Variants in FAM98A observed in about 807,000 individuals in gnomAD.
FAM98A encodes the protein protein FAM98A.
A neutral mutation model predicts 62.9 loss-of-function variants in FAM98A; 25 were observed. That is an observed-to-expected ratio of 0.40 (90% CI 0.29 to 0.56). The LOEUF (loss-of-function observed/expected upper bound fraction) is 0.56. Among genes scored for constraint, FAM98A ranks in the 20% least tolerant of loss-of-function variants. FAM98A has a pLI of 0.51. For synonymous variants in FAM98A, 252 were observed against 228.6 expected (o/e 1.10, Z -0.92); for missense variants, 653 against 640.7 (o/e 1.02, Z -0.21).
intron 2 of FAM98A, among the ~76,000 whole-genome samples, chr2:33,594,757 G>A (rs1297468188): frequency 2.0e-5 from 3 of 151,018 alleles, no homozygotes; most frequent in South Asian, 4.2e-4. Context: ...TCTTCAAAAC[G>A]TGATTATGTG....
At chr2:33,591,719 A>C (rs1677674959) in intron 3 of FAM98A, among the ~76,000 whole-genome samples, 1 of 152,184 alleles carries the variant, frequency 6.6e-6, no homozygotes, top group African/African-American at 2.4e-5. Flanking sequence ...AATCTCCATT[A>C]TTTCCATACT....
chr2:33,599,298 C>T lies in FAM98A; in HGVS notation c.-77G>A. The T allele has an allele frequency of 8.1e-7, 1 of 1,240,876 alleles. No homozygotes were observed. Among genetic ancestry groups the T allele is most frequent in the East Asian group, 2.3e-5 (1 of 43,158 alleles). The allele number at this position is 1,240,876 out of a possible 1,614,324, so 76.9% of individuals were successfully genotyped here. On this transcript the variant is annotated 5_prime_UTR_variant, in exon 1 of 8. Transcript: ENST00000238823. ...AACGCGTACACTCGCGCATGCGCGACTTCCCCGGAACTTCCAAATCCACAG... is the reference window on the plus strand; with the variant it reads ...AACGCGTACACTCGCGCATGCGCGATTTCCCCGGAACTTCCAAATCCACAG...
In FAM98A at chr2:33,586,544, A is replaced by G; in HGVS notation, c.720+18T>C. ...ATGTCTATAAATAGTCTGCTCTTTT[A>G]AATTATTTAATGTGTACCTTAGCTC... On this transcript the variant is annotated intron_variant, in intron 6 of 7. Coordinates refer to ENST00000238823, the MANE Select transcript of FAM98A (RefSeq NM_015475.5). 6.7e-7 allele frequency: 1 copy of G among 1,487,022 alleles called. No individual in the cohort carries two copies. Among genetic ancestry groups the G allele is most frequent in the Middle Eastern group, 1.7e-4 (1 of 5,816 alleles). The allele number at this position is 1,487,022 out of a possible 1,614,324, so 92.1% of individuals were successfully genotyped here. A position where few individuals can be genotyped will look rare whatever the true frequency, so the allele number is the denominator to read the frequency against.
intron 2 of FAM98A, among the ~76,000 whole-genome samples, chr2:33,593,413 A>G (rs1677719807): frequency 6.6e-6 from 1 of 152,142 alleles, no homozygotes; most frequent in African/African-American, 2.4e-5. Flanking sequence ...AAAAACAAAC[A>G]AACAAAAGGA....
In FAM98A at chr2:33,585,438, T is replaced by G. The variant is rs774113667; in HGVS notation, c.895A>C (p.Met299Leu). Residue 299 changes from methionine to leucine, a missense_variant, in exon 8 of 8, where the codon ATG becomes CTG. Met to Leu is a conservative substitution (Grantham distance 15). Coordinates refer to ENST00000238823, the MANE Select transcript of FAM98A (RefSeq NM_015475.5). ...CCACCTCTGTCAGGCACCCTGCCCA[T>G]CAACACCTACAGAATAGGAAAGATA... ...KTACAINKVL[M>L]GRVPDRGGRP... The G allele has an allele frequency of 2.5e-5, 41 of 1,614,002 alleles. No homozygotes were observed. The highest frequency in any genetic ancestry group is 3.1e-5 in the Non-Finnish European group (37 of 1,180,000).
Position 33,584,775 on chromosome 2 carries a change from C to T in FAM98A, c.*1G>A, listed in dbSNP as rs1677495073. On this transcript the variant is annotated 3_prime_UTR_variant, in exon 8 of 8. Coordinates refer to ENST00000238823, the MANE Select transcript of FAM98A (RefSeq NM_015475.5). ...CTAGCAAAATGTAAGGTTCGGTAGC[C>T]TCAACTAGTGTAATGTCTTCCCTGT... 6.3e-7 allele frequency: 1 copy of T among 1,586,744 alleles called. No individual in the cohort carries two copies. The highest frequency in any genetic ancestry group is 1.1e-5 in the South Asian group (1 of 89,148).
intron 6 of FAM98A, among the ~76,000 whole-genome samples, chr2:33,586,004 AT>A (rs1199048512): frequency 6.6e-6 from 1 of 152,232 alleles, no homozygotes; most frequent in East Asian, 1.9e-4. Context: ...TTGGTCTCAG[AT>A]CAAACATACT....
chr2:33,584,868 G>A lies in FAM98A; in HGVS notation c.1465C>T (p.His489Tyr). 1 of 1,614,106 alleles carries A rather than the reference G, an allele frequency of 6.2e-7. No homozygotes were observed. Residue 489 changes from histidine (H) to tyrosine (Y), a missense_variant, in exon 8 of 8, where the codon CAC becomes TAC. Coordinates refer to ENST00000238823, the MANE Select transcript of FAM98A (RefSeq NM_015475.5). ...TGCTGTTCAAATTGACCCCCTTGGT[G>A]ATAATTCTGGCTCCCTCTTCCTCCC... ...GWGGRGSQNY[H>Y]QGGQFEQHFQ...
chr2:33,590,070 G>A (rs539634383), intron 3 of FAM98A, among the ~76,000 whole-genome samples: 1 of 152,200 alleles, frequency 6.6e-6, no homozygotes, highest in Admixed American at 6.5e-5. Flanking sequence ...ACTGGGAAAG[G>A]CACTGAAGAT....
intron 1 of FAM98A, 70 bp from the exon 2 acceptor site, chr2:33,595,707 CTATG>C (rs1677797007): frequency 1.8e-6 from 2 of 1,094,100 alleles, no homozygotes; most frequent in Non-Finnish European, 1.3e-6. Flanking sequence ...TAAAACATAT[CTATG>C]TCTTATTTAT....
At chr2:33,591,072 T>C (rs1677661476) in intron 3 of FAM98A, among the ~76,000 whole-genome samples, 1 of 152,114 alleles carries the variant, frequency 6.6e-6, no homozygotes. Flanking sequence ...GCAATATCAG[T>C]ATCTAAAGCA....
rs1384399644 is a variant in FAM98A at position 33,585,154 on chromosome 2, G to C, written c.1179C>G (p.Gly393=). 6.2e-7 allele frequency: 1 copy of C among 1,614,086 alleles called. No homozygotes were observed. Among genetic ancestry groups the C allele is most frequent in the Admixed American group, 1.7e-5 (1 of 60,016 alleles). ...WTDGGSGGGG[G]YQDGGYRDSG... ...AATCTCGATAACCACCATCTTGGTA[G>C]CCACCTCCTCCACCACTCCCTCCAT... Residue 393 remains glycine, a synonymous_variant, in exon 8 of 8, where the codon GGC becomes GGG. Transcript: ENST00000238823.
At chr2:33,586,927 A>G (rs1345276644) in intron 5 of FAM98A, 1 of 530,582 alleles carries the variant, frequency 1.9e-6, no homozygotes, top group Non-Finnish European at 3.3e-6. Flanking sequence ...TACTGTGTGA[A>G]GCTCAGCCCA....
intron 4 of FAM98A, 45 bp downstream of exon 4, chr2:33,588,290 G>A (rs775558037): frequency 1.4e-6 from 2 of 1,403,046 alleles, no homozygotes; most frequent in Non-Finnish European, 2.0e-6. Flanking sequence ...AACAAATGTA[G>A]GACTATGCCT....
rs751285617 is a variant in FAM98A, at chr2:33,586,689, A to T, written c.604-11T>A. 56 of 1,549,254 alleles carry T rather than the reference A, an allele frequency of 3.6e-5. No homozygotes were observed. The highest frequency in any genetic ancestry group is 4.7e-5 in the Non-Finnish European group (53 of 1,121,318). On this transcript the variant is annotated splice_polypyrimidine_tract_variant and intron_variant, in intron 5 of 7. Transcript: ENST00000238823. ...TGCTTCTATCTTTTCCTGAAGCAAAATTAAAAAGACTAGTTAGAGTTTAAA... is the reference window on the plus strand; with the variant it reads ...TGCTTCTATCTTTTCCTGAAGCAAATTTAAAAAGACTAGTTAGAGTTTAAA...
At chr2:33,595,810 T>C (rs1479419610) in intron 1 of FAM98A, among the ~76,000 whole-genome samples, 173 bp from the exon 2 acceptor site, 3 of 152,158 alleles carry the variant, frequency 2.0e-5, no homozygotes, top group South Asian at 2.1e-4. Flanking sequence ...TACTGAACCA[T>C]TACAAAAAGC....
chr2:33,586,503 T>C (rs1216620867), intron 6 of FAM98A, 59 bp downstream of exon 6: 4 of 1,129,482 alleles, frequency 3.5e-6, no homozygotes, highest in East Asian at 2.3e-5. Flanking sequence ...CTAAATTGTT[T>C]AGATGTTCAG....
intron 2 of FAM98A, 89 bp from the exon 3 acceptor site, chr2:33,592,303 A>G: frequency 9.3e-7 from 1 of 1,075,754 alleles, no homozygotes; most frequent in Admixed American, 2.3e-5. Flanking sequence ...AATTGTTAAT[A>G]GGATTTTCAT....
Position 33,585,270 on chromosome 2 carries a change from C to G in FAM98A, c.1063G>C (p.Glu355Gln). Residue 355 changes from glutamate (E) to glutamine (Q), a missense_variant, in exon 8 of 8, where the codon GAA becomes CAA. By Grantham distance (29) the Glu-to-Gln change is conservative (BLOSUM62 2). Coordinates refer to ENST00000238823, the MANE Select transcript of FAM98A (RefSeq NM_015475.5). ...CGTCCACCTCTCCCGCCTCCTTGTT[C>G]ATGACCTCCTCGTCCTCCGTATGAG... ...HSSYGGRGGH[E>Q]QGGGRGGRGG... 6.2e-7 allele frequency: 1 copy of G among 1,614,092 alleles called. No homozygotes were observed. Among genetic ancestry groups the G allele is most frequent in the Non-Finnish European group, 8.5e-7 (1 of 1,180,008 alleles).
Sources: gnomAD v4.1 joint callset for allele counts (sites outside exome capture counted in the v4.1 genomes callset) on GRCh38, gnomAD v4.1.1 for gene constraint, MANE v1.5 for transcripts, NCBI Gene and HGNC (gene_info 2026-07-23, HGNC 2026-07-21) for gene names.